DSCAML1: variants seen among roughly 807,000 people sequenced by gnomAD.
The protein encoded by DSCAML1 is cell adhesion molecule DSCAML1.
Under a neutral mutation model 200.5 loss-of-function variants are expected in DSCAML1, and 38 were observed. That is an observed-to-expected ratio of 0.19 (90% CI 0.15 to 0.25). The LOEUF is 0.25. Ranked by LOEUF, DSCAML1 falls within the 10% of genes least tolerant of loss-of-function variation. The pLI, the probability that DSCAML1 is intolerant of heterozygous loss-of-function variation, is 1.00. For missense variants in DSCAML1, 2,223 were observed against 2,858.8 expected (o/e 0.78, Z 5.07); for synonymous variants, 1,215 against 1,165.0 (o/e 1.04, Z -0.87).
intron 3 of DSCAML1, among the ~76,000 whole-genome samples, chr11:117,711,320 C>T (rs2053845214): frequency 6.6e-6 from 1 of 152,184 alleles, no homozygotes; most frequent in Admixed American, 6.5e-5. Flanking sequence ...AATGTGCTGA[C>T]TGTGAGAACT....
intron 3 of DSCAML1, among the ~76,000 whole-genome samples, chr11:117,583,920 C>T (rs2051091521): frequency 1.3e-5 from 2 of 152,222 alleles, no homozygotes; most frequent in South Asian, 4.1e-4. Context: ...AGGCACAATG[C>T]TTTCGGCCAA....
intron 3 of DSCAML1, among the ~76,000 whole-genome samples, chr11:117,771,274 T>A (rs942932706): frequency 6.6e-6 from 1 of 152,174 alleles, no homozygotes; most frequent in African/African-American, 2.4e-5. Flanking sequence ...CACATTTGTT[T>A]GTTGTATTGA....
intron 14 of DSCAML1, among the ~76,000 whole-genome samples, chr11:117,477,374 GTGTGTGTGTGTGTGTGTA>G (rs1260656252): frequency 6.8e-5 from 10 of 146,532 alleles, no homozygotes; most frequent in Admixed American, 2.7e-4. Context: ...GTGTGTGTGT[GTGTGTGTGTGTGTGTGTA>G]TGTGTGTGTG....
rs138959454 is a variant in DSCAML1 at position 117,804,346 on chromosome 11, T to G, written c.-250+13044A>C. Among the ~76,000 whole-genome samples the G allele has an allele frequency of 5.5e-4, 84 of 152,318 alleles. 1 individual carries two copies. The highest frequency in any genetic ancestry group is 2.0e-3 in the African/African-American group (83 of 41,574). Reference sequence around the variant, plus strand: ...ACCCAACAGGTGTCAACTCAGTCTCTCAAATGCTGCCAGGGAAAAGGGGCT... The same window carrying G: ...ACCCAACAGGTGTCAACTCAGTCTCGCAAATGCTGCCAGGGAAAAGGGGCT... On this transcript the variant is annotated intron_variant, in intron 1 of 2. Coordinates refer to the DSCAML1 transcript ENST00000525836.
In DSCAML1 at chr11:117,463,361, A is replaced by G. The variant is rs1226793240; in HGVS notation, c.3265+1581T>C. ...CCTGGGAACTTATTAGAAATAATACATCCTTTTTTTTTTTTTTTTAGAGAT... is the reference window on the plus strand; with the variant it reads ...CCTGGGAACTTATTAGAAATAATACGTCCTTTTTTTTTTTTTTTTAGAGAT... On this transcript the variant is annotated intron_variant, in intron 17 of 32. Transcript: ENST00000651296. This position sits in a 1 kb window ranked among gnomAD's most constrained non-coding sequence, Gnocchi z 4.0. 6.8e-6 allele frequency among the ~76,000 whole-genome samples: 1 copy of G among 146,812 alleles called. No homozygotes were observed. The highest frequency in any genetic ancestry group is 2.1e-4 in the South Asian group (1 of 4,698).
intron 3 of DSCAML1, among the ~76,000 whole-genome samples, chr11:117,684,435 TA>T (rs149958154): frequency 0.017 from 1,285 of 74,604 alleles, 2 homozygotes; most frequent in South Asian, 0.068. Flanking sequence ...TTTCATTAAC[TA>T]AAAAAAAAAA....
chr11:117,780,692 C>T lies in DSCAML1; in HGVS notation c.165G>A (p.Ala55=). Residue 55 remains alanine (A), a synonymous_variant, in exon 2 of 33, where the codon GCG becomes GCA. Transcript: ENST00000651296. This position sits in a 1 kb window ranked among gnomAD's most constrained non-coding sequence, Gnocchi z 4.8. ...VPCPAAGSPS[A]ALRWYLATGD... is the part of the protein sequence containing the mutation. ...CTGTGGCCAGGTACCATCGAAGGGC[C>T]GCGCTGGGGGAGCCCGCGGCCGGGC... 1.3e-6 allele frequency: 2 copies of T among 1,588,098 alleles called. No homozygotes were observed.
At chr11:117,450,114 C>T (rs576902203) in intron 20 of DSCAML1, among the ~76,000 whole-genome samples, 87 of 152,346 alleles carry the variant, frequency 5.7e-4, no homozygotes, top group Non-Finnish European at 1.0e-3. Context: ...CCTCAGCTTG[C>T]TCCATGTGGA....
At chr11:117,529,513 G>A (rs2050035806) in intron 4 of DSCAML1, among the ~76,000 whole-genome samples, 1 of 152,156 alleles carries the variant, frequency 6.6e-6, no homozygotes. Flanking sequence ...AGTGAGTGTT[G>A]AGGCGGAGAT....
intron 1 of DSCAML1, among the ~76,000 whole-genome samples, chr11:117,816,776 A>G (rs965659140): frequency 4.2e-5 from 6 of 142,766 alleles, no homozygotes; most frequent in Non-Finnish European, 4.5e-5. Context: ...CTCCCTGTAC[A>G]AGAGAGAGAG....
At chr11:117,511,771 C>T (rs755689243) in intron 8 of DSCAML1, among the ~76,000 whole-genome samples, 28 of 152,216 alleles carry the variant, frequency 1.8e-4, no homozygotes, top group Non-Finnish European at 3.8e-4. Context: ...TGTTGCCTTA[C>T]GGGAGGGCCC....
At chr11:117,649,618 T>C (rs2052588242) in intron 3 of DSCAML1, among the ~76,000 whole-genome samples, 1 of 152,210 alleles carries the variant, frequency 6.6e-6, no homozygotes, top group Non-Finnish European at 1.5e-5. Context: ...TTGATCTCCC[T>C]GCTCTGGGCT....
rs773924173 is a variant in DSCAML1, at chr11:117,458,737, G to A, written c.3568+17C>T. On this transcript the variant is annotated intron_variant, in intron 19 of 32. Coordinates refer to ENST00000651296, the MANE Select transcript of DSCAML1 (RefSeq NM_020693.4). ...GGTGGCAGGGCCAGCCTGTCCCAAG[G>A]AGAGGCCTGGACTCACCGTCCTCCT... The A allele has an allele frequency of 1.9e-6, 3 of 1,610,300 alleles. No individual in the cohort carries two copies. Among genetic ancestry groups the A allele is most frequent in the Non-Finnish European group, 2.5e-6 (3 of 1,179,660 alleles).
At chr11:117,510,940 C>T (rs947276886) in intron 8 of DSCAML1, among the ~76,000 whole-genome samples, 4 of 152,188 alleles carry the variant, frequency 2.6e-5, no homozygotes, top group Non-Finnish European at 4.4e-5. Context: ...TCCTAGGGAG[C>T]CTGCTGTGCC....
At chr11:117,776,246 C>T (rs572072716) in intron 3 of DSCAML1, among the ~76,000 whole-genome samples, 1 of 152,276 alleles carries the variant, frequency 6.6e-6, no homozygotes, top group South Asian at 2.1e-4. Flanking sequence ...CAACATCAGC[C>T]TCAATGCGAG....
chr11:117,542,915 AGT>A (rs2050299483), intron 3 of DSCAML1, among the ~76,000 whole-genome samples: 1 of 152,166 alleles, frequency 6.6e-6, no homozygotes, highest in Non-Finnish European at 1.5e-5. Context: ...CTGCCAGGAA[AGT>A]GTGTGCTGCA....
At chr11:117,705,562 G>A (rs2053745615) in intron 3 of DSCAML1, among the ~76,000 whole-genome samples, 1 of 152,162 alleles carries the variant, frequency 6.6e-6, no homozygotes, top group Non-Finnish European at 1.5e-5. Flanking sequence ...GAGTGGCCTG[G>A]AATTACCTCT....
At chr11:117,814,928 C>T (rs1215010219) in intron 1 of DSCAML1, among the ~76,000 whole-genome samples, 1 of 152,180 alleles carries the variant, frequency 6.6e-6, no homozygotes, top group Non-Finnish European at 1.5e-5. Flanking sequence ...ACTGGAGAGC[C>T]GAGGACACCG....
At chr11:117,548,136 G>A (rs1026905461) in intron 3 of DSCAML1, among the ~76,000 whole-genome samples, 35 of 151,772 alleles carry the variant, frequency 2.3e-4, no homozygotes, top group Non-Finnish European at 2.9e-4. Context: ...GGCCGCTGTC[G>A]CCCCAGCCTT....
Sources: allele counts gnomAD v4.1 joint callset (sites outside exome capture counted in the v4.1 genomes callset), GRCh38; gene constraint gnomAD v4.1.1; non-coding constraint Gnocchi (gnomAD v3.1); transcripts MANE v1.5; gene names NCBI Gene and HGNC (gene_info 2026-07-23, HGNC 2026-07-21).